AP4S1: variants seen among roughly 807,000 people sequenced by gnomAD.
AP4S1 encodes adaptor related protein complex 4 subunit sigma 1, also known as AP-4 complex subunit sigma-1.
In AP4S1, 23 loss-of-function variants were observed where a neutral mutation model predicts 19.8. The ratio of observed to expected loss-of-function variants is 1.16; its 90% confidence interval spans 0.84 to 1.65. The LOEUF (loss-of-function observed/expected upper bound fraction) is 1.65, where lower values mean the gene tolerates loss of function less well. Ranked by LOEUF, AP4S1 falls within the 40% of genes most tolerant of loss-of-function variation. AP4S1 has a pLI of 0.00. For missense variants in AP4S1, 166 were observed against 172.8 expected (o/e 0.96, Z 0.22); for synonymous variants, 46 against 54.1 (o/e 0.85, Z 0.66).
At chr14:31,028,001 T>C (rs988755842) in intron 1 of AP4S1, among the ~76,000 whole-genome samples, 2 of 152,122 alleles carry the variant, frequency 1.3e-5, no homozygotes, top group African/African-American at 4.8e-5. Context: ...CAGGAAGTAA[T>C]TTCAAAAGAG....
intron 1 of AP4S1, among the ~76,000 whole-genome samples, chr14:31,061,054 T>A (rs995893689): frequency 3.3e-5 from 5 of 152,238 alleles, no homozygotes; most frequent in Non-Finnish European, 7.4e-5. Context: ...CACACCCAGA[T>A]AATTTTTTTG....
chr14:31,068,491 C>T (rs990378674), intron 2 of AP4S1, among the ~76,000 whole-genome samples: 1 of 152,238 alleles, frequency 6.6e-6, no homozygotes, highest in African/African-American at 2.4e-5. Flanking sequence ...CCATGGCACA[C>T]ACTGTTTCAT....
chr14:31,077,902 ATTG>A (rs1171456876), intron 4 of AP4S1, among the ~76,000 whole-genome samples: 1 of 151,752 alleles, frequency 6.6e-6, no homozygotes, highest in Non-Finnish European at 1.5e-5. Flanking sequence ...CACCCAGCTA[ATTG>A]TTGTATTTTT....
chr14:31,081,858 G>C (rs1395071414), intron 5 of AP4S1, among the ~76,000 whole-genome samples: 1 of 150,524 alleles, frequency 6.6e-6, no homozygotes, highest in Non-Finnish European at 1.5e-5. Context: ...GTATATATAT[G>C]ATATATATAT....
intron 4 of AP4S1, among the ~76,000 whole-genome samples, chr14:31,073,463 C>G (rs1201432162): frequency 3.4e-5 from 5 of 147,072 alleles, no homozygotes; most frequent in Admixed American, 1.4e-4. Context: ...GCACTCCAGC[C>G]TGGGCAACAG....
intron 5 of AP4S1, chr14:31,084,972 G>A (rs1295067454): frequency 6.9e-6 from 11 of 1,588,000 alleles, no homozygotes; most frequent in Non-Finnish European, 7.7e-6. Flanking sequence ...TACGCGTGAA[G>A]GTACAGAAAA....
In AP4S1 at chr14:31,095,515, C is replaced by T. The variant is rs1461043502; in HGVS notation, c.*2480C>T. 6.6e-6 allele frequency: 1 copy of T among 152,232 alleles called. No homozygotes were observed. The highest frequency in any genetic ancestry group is 2.4e-5 in the African/African-American group (1 of 41,436). The allele number at this position is 152,232 out of a possible 1,614,324, so 9.4% of individuals were successfully genotyped here. A position where few individuals can be genotyped will look rare whatever the true frequency, so the allele number is the denominator to read the frequency against. On this transcript the variant is annotated 3_prime_UTR_variant, in exon 6 of 6. Coordinates refer to ENST00000542754, the MANE Select transcript of AP4S1 (RefSeq NM_001128126.3). ...CACTACAGCCTGTACCTCCTGGGCT[C>T]AGGTGCTCCTCCCACCTCAGCCTCC...
chr14:31,041,245 G>T (rs560802938), intron 1 of AP4S1, among the ~76,000 whole-genome samples: 1 of 152,114 alleles, frequency 6.6e-6, no homozygotes, highest in Admixed American at 6.5e-5. Context: ...CACCTCCTGA[G>T]TTCAAGCAGT....
chr14:31,060,467 A>G (rs1324849498), intron 1 of AP4S1, among the ~76,000 whole-genome samples: 1 of 152,156 alleles, frequency 6.6e-6, no homozygotes, highest in Admixed American at 6.6e-5. Flanking sequence ...TCTCACTCTC[A>G]CACCTCAGAG....
At chr14:31,025,457 G>C (rs966966595), upstream of AP4S1, 1 of 158,688 alleles carries the variant, frequency 6.3e-6, no homozygotes, top group African/African-American at 2.7e-5. Flanking sequence ...TCGGAAAGGG[G>C]GGTGGTCCGG....
Position 31,075,096 on chromosome 14 carries a change from C to A in AP4S1, c.294+2123C>A, listed in dbSNP as rs999595428. On this transcript the variant is annotated intron_variant, in intron 4 of 5. Coordinates refer to ENST00000542754, the MANE Select transcript of AP4S1 (RefSeq NM_001128126.3). ...ATAGATTATTATTAACCATAGTCAC[C>A]CTACTGATTTATCAAACACTAGGTC... Among the ~76,000 whole-genome samples the A allele has an allele frequency of 8.5e-5, 13 of 152,136 alleles. 1 individual carries two copies. In the South Asian group the frequency reaches 2.1e-3, roughly 24 times the overall value.
rs1886670427 is a variant in AP4S1 at position 31,065,627 on chromosome 14, TA to T, written c.-71-498del. Among the ~76,000 whole-genome samples, 6 of 152,176 alleles carry T rather than the reference TA, an allele frequency of 3.9e-5. No individual in the cohort carries two copies. In the South Asian group the frequency reaches 1.2e-3, roughly 31 times the overall value. ...TTTTGGAGAATAACTGATGAAAATT[TA>T]TCATTGGTTTTTATTTTTTTATTTT... On this transcript the variant is annotated intron_variant, in intron 1 of 5. Transcript: ENST00000542754.
At chr14:31,049,790 C>T (rs1885677244) in intron 1 of AP4S1, among the ~76,000 whole-genome samples, 1 of 151,564 alleles carries the variant, frequency 6.6e-6, no homozygotes, top group South Asian at 2.1e-4. Flanking sequence ...TTTGTAGAGT[C>T]AGGGTTTCAT....
chr14:31,061,095 G>A (rs1008967258), intron 1 of AP4S1, among the ~76,000 whole-genome samples: 1 of 152,020 alleles, frequency 6.6e-6, no homozygotes, highest in Non-Finnish European at 1.5e-5. Context: ...TTCACCATGA[G>A]GTCTGGAACT....
intron 1 of AP4S1, among the ~76,000 whole-genome samples, chr14:31,032,652 C>T (rs1884473047): frequency 6.6e-6 from 1 of 151,602 alleles, no homozygotes; most frequent in Middle Eastern, 3.2e-3. Context: ...GCCTCCCAAG[C>T]AGCCTCCCAA....
chr14:31,054,743 C>T (rs1886002595), intron 1 of AP4S1, among the ~76,000 whole-genome samples: 2 of 151,302 alleles, frequency 1.3e-5, no homozygotes. Context: ...AGGTACGTGC[C>T]TCTAGTCCCA....
At chr14:31,060,454 C>T (rs1329131860) in intron 1 of AP4S1, among the ~76,000 whole-genome samples, 1 of 152,112 alleles carries the variant, frequency 6.6e-6, no homozygotes. Context: ...TTTGTGTTAC[C>T]TATCTCACTC....
At chr14:31,030,415 C>T (rs983529343) in intron 1 of AP4S1, among the ~76,000 whole-genome samples, 1 of 152,042 alleles carries the variant, frequency 6.6e-6, no homozygotes, top group Non-Finnish European at 1.5e-5. Flanking sequence ...ACTATGTTGC[C>T]CAGGCTGATC....
intron 5 of AP4S1, among the ~76,000 whole-genome samples, chr14:31,082,813 G>T (rs368803353): frequency 0.011 from 1,615 of 151,804 alleles, 23 homozygotes; most frequent in African/African-American, 0.037. Flanking sequence ...GGAGAATGGC[G>T]TGAACCCGGG....
Sources: gnomAD v4.1 joint callset for allele counts (sites outside exome capture counted in the v4.1 genomes callset) on GRCh38, gnomAD v4.1.1 for gene constraint, MANE v1.5 for transcripts, NCBI Gene and HGNC (gene_info 2026-07-23, HGNC 2026-07-21) for gene names.